GOLIM4: variants seen among roughly 807,000 people sequenced by gnomAD.
The protein encoded by GOLIM4 is golgi integral membrane protein 4, also known as 130 kDa golgi-localized phosphoprotein.
In GOLIM4, 71 loss-of-function variants were observed where a neutral mutation model predicts 107.4. The ratio of observed to expected loss-of-function variants is 0.66; its 90% CI spans 0.55 to 0.81. The LOEUF is 0.81. Among genes scored for constraint, GOLIM4 ranks in the 30% least tolerant of loss-of-function variants. GOLIM4 has a pLI of 0.00. For missense variants in GOLIM4, 830 were observed against 826.1 expected (o/e 1.00, Z -0.06); for synonymous variants, 327 against 294.8 (o/e 1.11, Z -1.12).
chr3:168,011,262 G>A (rs944456840), intron 14 of GOLIM4, among the ~76,000 whole-genome samples: 6 of 151,866 alleles, frequency 4.0e-5, no homozygotes, highest in Non-Finnish European at 7.3e-5. Flanking sequence ...TTCCCTTTCC[G>A]AGTCAAAGAA....
chr3:168,095,504 C>G lies in GOLIM4; in HGVS notation c.-219G>C. The G allele has an allele frequency of 1.9e-6, 1 of 515,570 alleles. No individual in the cohort carries two copies. The highest frequency in any genetic ancestry group is 2.5e-5 in the South Asian group (1 of 40,198). The allele number at this position is 515,570 out of a possible 1,614,324, so 31.9% of individuals were successfully genotyped here. ...CGCCGCCCGGGCAGCTGCAGCCAAA[C>G]TTCTGCGAGGCTCGTTCTCCGCGAA... On this transcript the variant is annotated 5_prime_UTR_variant, in exon 1 of 16. Transcript: ENST00000470487.
chr3:168,070,829 T>A (rs1720796995), intron 1 of GOLIM4, among the ~76,000 whole-genome samples: 1 of 152,178 alleles, frequency 6.6e-6, no homozygotes, highest in Non-Finnish European at 1.5e-5. Flanking sequence ...AAAGATCAAA[T>A]CCATATCTTA....
At chr3:168,057,971 CAT>C (rs1429501723) in intron 1 of GOLIM4, among the ~76,000 whole-genome samples, 2 of 152,170 alleles carry the variant, frequency 1.3e-5, no homozygotes, top group East Asian at 1.9e-4. Flanking sequence ...ATTAGTACCA[CAT>C]GTCCCAGAAA....
At chr3:168,030,148 T>C in intron 9 of GOLIM4, 112 bp from the exon 10 acceptor site, 1 of 1,025,744 alleles carries the variant, frequency 9.7e-7, no homozygotes, top group Non-Finnish European at 1.4e-6. Context: ...TTAACGACTA[T>C]TTGTCAGGTG....
chr3:168,068,594 G>C (rs964208632), intron 1 of GOLIM4, among the ~76,000 whole-genome samples: 2 of 151,842 alleles, frequency 1.3e-5, no homozygotes, highest in Non-Finnish European at 2.9e-5. Context: ...ACTAAAAAGG[G>C]AAGTTTCATA....
intron 14 of GOLIM4, among the ~76,000 whole-genome samples, chr3:168,013,216 CAAA>C (rs1213987112): frequency 3.4e-5 from 5 of 149,176 alleles, no homozygotes; most frequent in Non-Finnish European, 5.9e-5. Context: ...AAATGGAAAA[CAAA>C]AAAAGGCAGG....
chr3:168,020,723 T>C (rs796832819), intron 14 of GOLIM4, among the ~76,000 whole-genome samples: 14 of 152,322 alleles, frequency 9.2e-5, no homozygotes, highest in African/African-American at 3.4e-4. Context: ...TCCACACATA[T>C]AGAGAACAAA....
Position 168,024,529 on chromosome 3 carries a change from CTCT to C in GOLIM4, c.1854_1856del (p.Glu620del). Reference sequence around the variant, plus strand: ...TCTGGGATTCAATCCTTACTACCTCCTCTTCTGCCTCTTCCTGGTACTGTTCAT... The same window carrying C: ...TCTGGGATTCAATCCTTACTACCTCCTCTGCCTCTTCCTGGTACTGTTCAT... On this transcript the variant is annotated inframe_deletion, in exon 14 of 16. Coordinates refer to ENST00000470487, the MANE Select transcript of GOLIM4 (RefSeq NM_014498.5). 1.2e-6 allele frequency: 2 copies of C among 1,605,460 alleles called. No homozygotes were observed. Among genetic ancestry groups the C allele is most frequent in the Non-Finnish European group, 1.7e-6 (2 of 1,172,112 alleles).
chr3:168,025,599 T>C lies in GOLIM4; in HGVS notation c.1624-504A>G, dbSNP rs533900368. 2.6e-5 allele frequency among the ~76,000 whole-genome samples: 4 copies of C among 152,222 alleles called. No homozygotes were observed. The South Asian group carries it at 8.3e-4, about 32-fold the overall frequency. ...TACCAGAAAGGACCCATAAAAAGGA[T>C]ACGAAAAGGAGACAAGAAAAAGGCT... On this transcript the variant is annotated intron_variant, in intron 12 of 15. Transcript: ENST00000470487.
At chr3:168,079,297 T>C (rs897575608) in intron 1 of GOLIM4, among the ~76,000 whole-genome samples, 2 of 152,158 alleles carry the variant, frequency 1.3e-5, no homozygotes, top group Non-Finnish European at 1.5e-5. Flanking sequence ...GATCTCACAA[T>C]GTTAAGCAAA....
At chr3:168,046,064 A>T (rs1280475903) in intron 3 of GOLIM4, among the ~76,000 whole-genome samples, 1 of 152,116 alleles carries the variant, frequency 6.6e-6, no homozygotes, top group East Asian at 1.9e-4. Flanking sequence ...TGTACTTTGA[A>T]GTCTTGCTAT....
chr3:168,035,051 A>C (rs578227521), intron 8 of GOLIM4, among the ~76,000 whole-genome samples: 5 of 152,254 alleles, frequency 3.3e-5, no homozygotes, highest in East Asian at 3.9e-4. Context: ...AAAAAAAAAA[A>C]AACAACTCAG....
chr3:168,069,192 T>C (rs542782359), intron 1 of GOLIM4, among the ~76,000 whole-genome samples: 57 of 152,342 alleles, frequency 3.7e-4, no homozygotes, highest in African/African-American at 1.3e-3. Flanking sequence ...TCAATTAATA[T>C]GCTGATTTTC....
At chr3:168,060,864 A>G (rs532814481) in intron 1 of GOLIM4, among the ~76,000 whole-genome samples, 35 of 152,256 alleles carry the variant, frequency 2.3e-4, no homozygotes, top group African/African-American at 8.4e-4. Context: ...GGAAAGGTGG[A>G]TAATAACAGC....
At chr3:168,062,448 T>A (rs1720326176) in intron 1 of GOLIM4, among the ~76,000 whole-genome samples, 1 of 152,030 alleles carries the variant, frequency 6.6e-6, no homozygotes, top group South Asian at 2.1e-4. Context: ...ATACTTTGCA[T>A]TTACAACTGT....
intron 1 of GOLIM4, among the ~76,000 whole-genome samples, chr3:168,085,729 C>G (rs1721584704): frequency 6.6e-6 from 1 of 152,172 alleles, no homozygotes; most frequent in African/African-American, 2.4e-5. Flanking sequence ...CCCTGGAGAA[C>G]TATTCCCAGG....
intron 14 of GOLIM4, among the ~76,000 whole-genome samples, chr3:168,012,838 C>G (rs1447850608): frequency 5.3e-5 from 8 of 151,978 alleles, no homozygotes; most frequent in Admixed American, 3.9e-4. Context: ...CAAGCAAATG[C>G]TGAGAGATTT....
Position 168,010,120 on chromosome 3 carries a change from A to G in GOLIM4, c.*149T>C. Reference sequence around the variant, plus strand: ...ACGTTATCAAAATATATTCATATAAATGTATGCGCATTTCTAATACAAAAG... The same window carrying G: ...ACGTTATCAAAATATATTCATATAAGTGTATGCGCATTTCTAATACAAAAG... On this transcript the variant is annotated 3_prime_UTR_variant, in exon 16 of 16. Transcript: ENST00000470487. 3 of 571,434 alleles carry G rather than the reference A, an allele frequency of 5.2e-6. No homozygotes were observed. The South Asian group carries it at 9.8e-5, about 19-fold the overall frequency. The allele number at this position is 571,434 out of a possible 1,614,324, so 35.4% of individuals were successfully genotyped here.
intron 1 of GOLIM4, among the ~76,000 whole-genome samples, chr3:168,050,234 C>T (rs190128566): frequency 6.6e-6 from 1 of 151,314 alleles, no homozygotes; most frequent in African/African-American, 2.4e-5. Flanking sequence ...AGTTGTGTTC[C>T]AAAAAGTTTG....
Sources: allele counts gnomAD v4.1 joint callset (sites outside exome capture counted in the v4.1 genomes callset), GRCh38; gene constraint gnomAD v4.1.1; transcripts MANE v1.5; gene names NCBI Gene and HGNC (gene_info 2026-07-23, HGNC 2026-07-21).